AXDND1: variants seen among roughly 807,000 people sequenced by gnomAD.
The protein encoded by AXDND1 is axonemal dynein light chain domain-containing protein 1.
In AXDND1, 110 loss-of-function variants were observed where a neutral mutation model predicts 137.5. The observed-to-expected ratio is 0.80, with a 90% confidence interval of 0.69 to 0.94. AXDND1 has a LOEUF of 0.94. Among genes scored for constraint, AXDND1 ranks in the 40% least tolerant of loss-of-function variants. The pLI, the probability that AXDND1 is intolerant of heterozygous loss-of-function variation, is 0.00. For missense variants in AXDND1, 1,191 were observed against 1,169.8 expected (o/e 1.02, Z -0.26); for synonymous variants, 414 against 399.7 (o/e 1.04, Z -0.43).
chr1:179,536,680 G>A (rs1030221489), intron 25 of AXDND1, among the ~76,000 whole-genome samples: 2 of 152,146 alleles, frequency 1.3e-5, no homozygotes, highest in Admixed American at 1.3e-4. Context: ...GCTTAGGCTT[G>A]TCTTGGCTCT....
chr1:179,396,941 G>A (rs1651167030), intron 11 of AXDND1, among the ~76,000 whole-genome samples: 1 of 152,124 alleles, frequency 6.6e-6, no homozygotes, highest in Admixed American at 6.6e-5. Context: ...TATCCAGCCT[G>A]CAACTCTGTG....
chr1:179,432,918 A>T (rs1227749507), intron 15 of AXDND1, among the ~76,000 whole-genome samples: 2 of 151,866 alleles, frequency 1.3e-5, no homozygotes, highest in African/African-American at 4.8e-5. Context: ...AAAAAAATGC[A>T]ATGTTAAGTT....
intron 4 of AXDND1, among the ~76,000 whole-genome samples, chr1:179,374,575 C>T (rs556514894): frequency 6.6e-5 from 10 of 152,146 alleles, no homozygotes; most frequent in Admixed American, 2.6e-4. Flanking sequence ...GGAACCAACC[C>T]AAATGTCCAT....
intron 20 of AXDND1, among the ~76,000 whole-genome samples, chr1:179,508,713 A>AT (rs201410478): frequency 0.17 from 25,407 of 147,804 alleles, 2,660 homozygotes; most frequent in African/African-American, 0.29. Context: ...CAGTAGAGGG[A>AT]TTTTTTTTTT....
intron 15 of AXDND1, among the ~76,000 whole-genome samples, chr1:179,444,404 C>T (rs1018722752): frequency 8.5e-5 from 13 of 152,184 alleles, no homozygotes; most frequent in Admixed American, 7.8e-4. Flanking sequence ...CACTGTCTCC[C>T]CATGCTAATT....
At chr1:179,428,874 C>T (rs760829168) in intron 12 of AXDND1, among the ~76,000 whole-genome samples, 25 of 152,102 alleles carry the variant, frequency 1.6e-4, no homozygotes, top group Non-Finnish European at 3.5e-4. Flanking sequence ...AACAAATACA[C>T]GTGTTAAATC....
At chr1:179,385,797 G>A (rs1215652590) in intron 9 of AXDND1, among the ~76,000 whole-genome samples, 1 of 152,188 alleles carries the variant, frequency 6.6e-6, no homozygotes, top group East Asian at 1.9e-4. Context: ...AGATTGGATT[G>A]TTTGGATAAT....
intron 25 of AXDND1, among the ~76,000 whole-genome samples, chr1:179,540,234 T>C (rs1437861584): frequency 1.3e-5 from 2 of 152,170 alleles, no homozygotes; most frequent in Admixed American, 6.5e-5. Flanking sequence ...TTTGTTCCCT[T>C]GCTGGTGAGG....
intron 23 of AXDND1, among the ~76,000 whole-genome samples, chr1:179,531,664 C>T (rs551411460): frequency 8.6e-4 from 131 of 152,196 alleles, no homozygotes; most frequent in African/African-American, 2.2e-3. Flanking sequence ...GATAGGAGCA[C>T]CCAGTCCAAC....
At chr1:179,435,392 C>T (rs2125328097) in intron 15 of AXDND1, among the ~76,000 whole-genome samples, 2 of 152,172 alleles carry the variant, frequency 1.3e-5, no homozygotes, top group Non-Finnish European at 2.9e-5. Context: ...TAAGACAATC[C>T]TAAGAAAAAG....
intron 15 of AXDND1, among the ~76,000 whole-genome samples, chr1:179,432,976 A>G (rs1657611528): frequency 6.6e-6 from 1 of 152,212 alleles, no homozygotes; most frequent in Non-Finnish European, 1.5e-5. Flanking sequence ...TTTAAAAAAT[A>G]TGCTTAAATA....
Position 179,468,460 on chromosome 1 carries a change from C to G in AXDND1, c.1816C>G (p.Pro606Ala). The change falls in exon 17 of 26, where the codon CCA becomes GCA. Residue 606 changes from proline to alanine, a missense_variant. By Grantham distance (27) the Pro-to-Ala change is conservative. Coordinates refer to ENST00000367618, the MANE Select transcript of AXDND1 (RefSeq NM_144696.6). ...NGDNGYSKILPSLISSLDFCS... is the reference protein window; with the variant it reads ...NGDNGYSKILASLISSLDFCS... ...TTTTCTAGGTTACTCCAAAATTCTT[C>G]CAAGTTTGATTAGTTCTCTTGACTT... The G allele has an allele frequency of 6.2e-7, 1 of 1,608,400 alleles. No individual in the cohort carries two copies. The highest frequency in any genetic ancestry group is 8.5e-7 in the Non-Finnish European group (1 of 1,177,864).
At chr1:179,537,103 G>T (rs2125714782) in intron 25 of AXDND1, among the ~76,000 whole-genome samples, 2 of 152,340 alleles carry the variant, frequency 1.3e-5, no homozygotes, top group Middle Eastern at 3.4e-3. Flanking sequence ...AGCTTAAGGA[G>T]ATTTTGGGCT....
At chr1:179,396,167 C>G (rs1651018990) in intron 11 of AXDND1, among the ~76,000 whole-genome samples, 1 of 134,764 alleles carries the variant, frequency 7.4e-6, no homozygotes, top group Non-Finnish European at 1.6e-5. Context: ...AGATTCTGTC[C>G]CATAAAAAGA....
chr1:179,529,405 A>C (rs1396422621), intron 23 of AXDND1, among the ~76,000 whole-genome samples: 2 of 152,242 alleles, frequency 1.3e-5, no homozygotes, highest in Non-Finnish European at 2.9e-5. Flanking sequence ...TGTGAGGCAA[A>C]TTGATTAATA....
At chr1:179,448,334 C>A (rs1371428543) in intron 16 of AXDND1, 3 of 731,440 alleles carry the variant, frequency 4.1e-6, no homozygotes, top group Non-Finnish European at 7.6e-6. Context: ...ATAGAGCACA[C>A]TAAGTTCATA....
At chr1:179,388,647 G>A (rs1649598228) in intron 9 of AXDND1, among the ~76,000 whole-genome samples, 1 of 152,064 alleles carries the variant, frequency 6.6e-6, no homozygotes, top group Admixed American at 6.6e-5. Context: ...CAGTGCAGTG[G>A]CACGATCTTG....
intron 23 of AXDND1, among the ~76,000 whole-genome samples, chr1:179,530,820 A>G (rs549121622): frequency 3.3e-5 from 5 of 152,302 alleles, no homozygotes; most frequent in Middle Eastern, 3.4e-3. Flanking sequence ...TTCCTGTGGA[A>G]TGGTGGCTGG....
At chr1:179,427,050 G>T (rs1319436669) in intron 12 of AXDND1, among the ~76,000 whole-genome samples, 1 of 152,148 alleles carries the variant, frequency 6.6e-6, no homozygotes, top group African/African-American at 2.4e-5. Flanking sequence ...TGTAATCCCA[G>T]CTACTCGGGA....
Sources: allele counts gnomAD v4.1 joint callset (sites outside exome capture counted in the v4.1 genomes callset), GRCh38; gene constraint gnomAD v4.1.1; transcripts MANE v1.5; gene names NCBI Gene and HGNC (gene_info 2026-07-23, HGNC 2026-07-21).